MERTK: variants seen among roughly 807,000 people sequenced by gnomAD.
The protein encoded by MERTK is MER proto-oncogene, tyrosine kinase.
Under a neutral mutation model 99.3 loss-of-function variants are expected in MERTK, and 69 were observed. The ratio of observed to expected loss-of-function variants is 0.70; its 90% CI spans 0.57 to 0.85. The LOEUF (loss-of-function observed/expected upper bound fraction) is 0.85, where lower values mean the gene tolerates loss of function less well. Among genes scored for constraint, MERTK ranks in the 40% least tolerant of loss-of-function variants. MERTK has a pLI of 0.00. For missense variants in MERTK, 1,125 were observed against 1,249.4 expected (o/e 0.90, Z 1.50); for synonymous variants, 426 against 467.6 (o/e 0.91, Z 1.15).
intron 2 of MERTK, chr2:111,940,317 TC>T: frequency 2.1e-6 from 1 of 474,900 alleles, no homozygotes; most frequent in South Asian, 1.7e-5. Context: ...TTCCAACTTT[TC>T]CCAGCCTGTG....
intron 2 of MERTK, among the ~76,000 whole-genome samples, chr2:111,934,625 T>A (rs1684731852): frequency 6.6e-6 from 1 of 152,216 alleles, no homozygotes; most frequent in Non-Finnish European, 1.5e-5. Flanking sequence ...TAGCCCTTTG[T>A]CAGATGGATA....
At chr2:112,013,768 C>T (rs553785232) in intron 15 of MERTK, among the ~76,000 whole-genome samples, 20 of 151,966 alleles carry the variant, frequency 1.3e-4, no homozygotes, top group Non-Finnish European at 2.5e-4. Flanking sequence ...CTGTGAGTGG[C>T]GGCACCACAT....
intron 12 of MERTK, 112 bp from the exon 13 acceptor site, chr2:112,003,792 G>T: frequency 1.0e-6 from 1 of 972,550 alleles, no homozygotes; most frequent in Admixed American, 1.8e-5. Flanking sequence ...CTGGCTGCCC[G>T]TGGGTGAGTT....
chr2:111,982,781 T>G, intron 7 of MERTK, 61 bp from the exon 8 acceptor site: 354 of 1,575,390 alleles, frequency 2.2e-4, no homozygotes, highest in Non-Finnish European at 2.9e-4. Context: ...AAAACCCAGA[T>G]GAGAATACAT....
intron 7 of MERTK, among the ~76,000 whole-genome samples, chr2:111,982,523 G>C (rs953622149): frequency 2.0e-5 from 3 of 152,138 alleles, no homozygotes; most frequent in African/African-American, 4.8e-5. Context: ...TGGAACTACA[G>C]ATGTGCACCA....
At chr2:111,999,919 T>C (rs969797104) in intron 10 of MERTK, among the ~76,000 whole-genome samples, 1 of 152,178 alleles carries the variant, frequency 6.6e-6, no homozygotes, top group Non-Finnish European at 1.5e-5. Context: ...GGGGTGGATC[T>C]TGCAAAGTAC....
rs957812890 is a variant in MERTK, at chr2:112,028,578, C to T, written c.2714C>T (p.Ser905Phe). The change falls in exon 19 of 19, where the codon TCC becomes TTC. Residue 905 changes from serine (S) to phenylalanine (F), a missense_variant. Physicochemically the swap from Ser to Phe is radical, Grantham distance 155. Coordinates refer to ENST00000295408, the MANE Select transcript of MERTK (RefSeq NM_006343.3). ...ATCGACCCTGACTCTATAATTGCCTCCTGCACTCCCCGCGCTGCCATCAGT... is the reference window on the plus strand; with the variant it reads ...ATCGACCCTGACTCTATAATTGCCTTCTGCACTCCCCGCGCTGCCATCAGT... ...LNIDPDSIIA[S>F]CTPRAAISVV... The T allele has an allele frequency of 6.2e-7, 1 of 1,614,166 alleles. No individual in the cohort carries two copies. Among genetic ancestry groups the T allele is most frequent in the Non-Finnish European group, 8.5e-7 (1 of 1,180,042 alleles).
rs377752022 is a variant in MERTK, at chr2:111,982,913, A to G, written c.1216A>G (p.Met406Val). The G allele has an allele frequency of 2.0e-5, 33 of 1,614,040 alleles. 1 individual carries two copies. In the African/African-American group the frequency reaches 4.0e-4, roughly 20 times the overall value. ...TAGTGATAATGTGGACATCAGATGGATGAAGCCTCCGACTAAGCAGCAGGA... is the reference window on the plus strand; with the variant it reads ...TAGTGATAATGTGGACATCAGATGGGTGAAGCCTCCGACTAAGCAGCAGGA... ...ESSDNVDIRW[M>V]KPPTKQQDGE... is the part of the protein sequence containing the mutation. The change falls in exon 8 of 19, where the codon ATG (methionine) becomes GTG (valine). Residue 406 changes from methionine (M) to valine (V), a missense_variant. Met to Val is a conservative substitution (Grantham distance 21). Coordinates refer to ENST00000295408, the MANE Select transcript of MERTK (RefSeq NM_006343.3).
rs1677535223 is a variant in MERTK at position 112,029,373 on chromosome 2, T to C, written c.*509T>C. 19 of 935,768 alleles carry C rather than the reference T, an allele frequency of 2.0e-5. No homozygotes were observed. In the South Asian group the frequency reaches 2.5e-4, roughly 12 times the overall value. 58.0% of individuals were successfully genotyped at this position (935,768 alleles called of 1,614,324 possible). A position where few individuals can be genotyped will look rare whatever the true frequency, so the allele number is the denominator to read the frequency against. On this transcript the variant is annotated 3_prime_UTR_variant, in exon 19 of 19. Coordinates refer to ENST00000295408, the MANE Select transcript of MERTK (RefSeq NM_006343.3). ...AATAAAATATGAATAAGGAAGGATA[T>C]GTTGAACTTACTTGAGACTTGAAAG...
chr2:111,962,172 T>C (rs1455983493), intron 4 of MERTK, among the ~76,000 whole-genome samples: 3 of 152,232 alleles, frequency 2.0e-5, no homozygotes, highest in Non-Finnish European at 4.4e-5. Flanking sequence ...AGTTTCCAGA[T>C]TCAACTACAT....
chr2:111,940,434 A>C (rs1684841140), intron 2 of MERTK: 3 of 546,542 alleles, frequency 5.5e-6, no homozygotes, highest in Admixed American at 1.9e-5. Context: ...ACAGAATTTG[A>C]GTAGCTTCAT....
chr2:112,008,253 A>G (rs1156319005), intron 13 of MERTK, 130 bp from the exon 14 acceptor site: 8 of 729,232 alleles, frequency 1.1e-5, no homozygotes, highest in Admixed American at 4.0e-5. Flanking sequence ...ACAACCACTC[A>G]TCTGTTTCCT....
At chr2:111,924,273 C>T (rs1037786164) in intron 1 of MERTK, among the ~76,000 whole-genome samples, 1 of 152,174 alleles carries the variant, frequency 6.6e-6, no homozygotes, top group Non-Finnish European at 1.5e-5. Flanking sequence ...CGTTGGCAAC[C>T]CTATGAGGCA....
At chr2:112,021,609 C>T (rs1404279875) in intron 17 of MERTK, 28 bp downstream of exon 17, 2 of 1,582,938 alleles carry the variant, frequency 1.3e-6, no homozygotes, top group Admixed American at 1.7e-5. Context: ...ATTCAGGGGT[C>T]CCACAGCACA....
In MERTK at chr2:112,013,343, AGAT is replaced by A. The variant is rs1382790954; in HGVS notation, c.2079+3281_2079+3283del. 4.5e-5 allele frequency: 7 copies of A among 154,512 alleles called. No individual in the cohort carries two copies. In the Middle Eastern group the frequency reaches 2.6e-3, roughly 57 times the overall value. The allele number at this position is 154,512 out of a possible 1,614,324, so 9.6% of individuals were successfully genotyped here. A position where few individuals can be genotyped will look rare whatever the true frequency, so the allele number is the denominator to read the frequency against. ...CCTTCTCTTTTTCCCCCAAAAAGAA[AGAT>A]GATTGCATTATAGGAAGTCTGTAAA... On this transcript the variant is annotated intron_variant, in intron 15 of 18. Transcript: ENST00000295408.
At chr2:111,967,579 T>C (rs1031368117) in intron 5 of MERTK, among the ~76,000 whole-genome samples, 2 of 152,080 alleles carry the variant, frequency 1.3e-5, no homozygotes, top group Non-Finnish European at 2.9e-5. Context: ...CTGGCTCTTT[T>C]GCTTGAACTG....
rs543556807 is a variant in MERTK, at chr2:111,937,367, G to A, written c.483-7593G>A. On this transcript the variant is annotated intron_variant, in intron 2 of 18. Coordinates refer to ENST00000295408, the MANE Select transcript of MERTK (RefSeq NM_006343.3). ...CTCAGGAGGCTGAGGTGGGAGGATC[G>A]CTTGAGCCTCGGAGTTTGAAGCTGC... Among the ~76,000 whole-genome samples, 286 of 152,156 alleles carry A rather than the reference G, an allele frequency of 1.9e-3. 3 individuals are homozygous for A. Among genetic ancestry groups the A allele is most frequent in the African/African-American group, 6.3e-3 (261 of 41,494 alleles).
At chr2:111,974,813 A>G (rs988091452) in intron 6 of MERTK, among the ~76,000 whole-genome samples, 11 of 140,610 alleles carry the variant, frequency 7.8e-5, no homozygotes, top group Non-Finnish European at 1.6e-4. Context: ...AAAAGAAAAG[A>G]AAAAGAAAGC....
At chr2:111,947,883 TGTCA>T (rs1339357298) in intron 4 of MERTK, among the ~76,000 whole-genome samples, 1 of 152,132 alleles carries the variant, frequency 6.6e-6, no homozygotes, top group Non-Finnish European at 1.5e-5. Flanking sequence ...CTTGCTGGTC[TGTCA>T]GGTCTTGCGT....
Sources: allele counts gnomAD v4.1 joint callset (sites outside exome capture counted in the v4.1 genomes callset), GRCh38; gene constraint gnomAD v4.1.1; transcripts MANE v1.5; gene names NCBI Gene and HGNC (gene_info 2026-07-23, HGNC 2026-07-21).